The following ACSBG1 variants were observed in gnomAD, a reference collection of about 807,000 sequenced individuals.
The protein encoded by ACSBG1 is long-chain-fatty-acid--CoA ligase ACSBG1.
Under a neutral mutation model 80.2 loss-of-function variants are expected in ACSBG1, and 39 were observed. That is an observed-to-expected ratio of 0.49 (90% CI 0.38 to 0.64). The LOEUF (loss-of-function observed/expected upper bound fraction) is 0.64. ACSBG1 is among the 30% of genes least tolerant of loss of function. The pLI, the probability that ACSBG1 is intolerant of heterozygous loss-of-function variation, is 0.00. For synonymous variants in ACSBG1, 392 were observed against 379.5 expected (o/e 1.03, Z -0.38); for missense variants, 828 against 966.4 (o/e 0.86, Z 1.90).
chr15:78,182,235 T>G (rs922246736), intron 7 of ACSBG1, 90 bp from the exon 8 acceptor site: 1 of 1,489,584 alleles, frequency 6.7e-7, no homozygotes, highest in African/African-American at 1.4e-5. Flanking sequence ...CCAGCCCCAG[T>G]GTGGTGCCCC....
Position 78,182,615 on chromosome 15 carries a change from T to C in ACSBG1, c.745A>G (p.Met249Val). Residue 249 changes from methionine to valine, a missense_variant and splice_region_variant, in exon 7 of 14, where the codon ATG becomes GTG. Met to Val is a conservative substitution (Grantham distance 21). Around this residue, in one of 3 missense-constraint regions of ACSBG1, gnomAD observed 356 missense variants for 363.5 expected, o/e 0.98. Transcript: ENST00000258873. ...TTCCCCAGCTCCATGAATTCCTCCA[T>C]CTGTAGCCAGATGCAGGGAGCAGGC... is the stretch of plus-strand genomic sequence containing the variant. ...PPNKMANVYT[M>V]EEFMELGNEV... 1 of 1,613,998 alleles carries C rather than the reference T, an allele frequency of 6.2e-7. No homozygotes were observed. Among genetic ancestry groups the C allele is most frequent in the Non-Finnish European group, 8.5e-7 (1 of 1,179,928 alleles).
At chr15:78,198,330 C>T (rs1567088781) in intron 2 of ACSBG1, among the ~76,000 whole-genome samples, 1 of 151,214 alleles carries the variant, frequency 6.6e-6, no homozygotes, top group Non-Finnish European at 1.5e-5. Context: ...CGTGAGCCAC[C>T]GTGCCCAGCC....
chr15:78,196,598 A>C (rs901096952), intron 2 of ACSBG1, among the ~76,000 whole-genome samples: 2 of 151,832 alleles, frequency 1.3e-5, no homozygotes, highest in South Asian at 4.1e-4. Context: ...CGACCCAACA[A>C]CTCCACTCTT....
intron 1 of ACSBG1, among the ~76,000 whole-genome samples, chr15:78,232,772 C>T (rs2141397643): frequency 6.6e-6 from 1 of 152,010 alleles, no homozygotes; most frequent in East Asian, 1.9e-4. Context: ...GCAATTTCCA[C>T]CTCCCGGGTT....
At chr15:78,191,723 G>A (rs2075058467) in intron 5 of ACSBG1, among the ~76,000 whole-genome samples, 2 of 152,348 alleles carry the variant, frequency 1.3e-5, no homozygotes, top group South Asian at 4.1e-4. Context: ...AAGAAGAGAA[G>A]GTGGTCATGA....
At position 78,170,493 on chromosome 15, in the gene ACSBG1, C is replaced by A. The variant is rs969118164; in HGVS notation, c.*951G>T. On this transcript the variant is annotated 3_prime_UTR_variant, in exon 14 of 14. Transcript: ENST00000258873. ...CTTCCTCTGTTTCATTGGATTGTGC[C>A]AGTTATCAGTGGCTCTTGGGTTCAA... The A allele has an allele frequency of 6.6e-6, 1 of 151,936 alleles. No individual in the cohort carries two copies. Among genetic ancestry groups the A allele is most frequent in the Non-Finnish European group, 1.5e-5 (1 of 68,000 alleles). 9.4% of individuals were successfully genotyped at this position (151,936 alleles called of 1,614,324 possible). A position where few individuals can be genotyped will look rare whatever the true frequency, so the allele number is the denominator to read the frequency against.
intron 1 of ACSBG1, among the ~76,000 whole-genome samples, chr15:78,224,239 G>A (rs2075382209): frequency 7.3e-6 from 1 of 136,430 alleles, no homozygotes; most frequent in Admixed American, 7.2e-5. Context: ...CTGACATCTG[G>A]ACTGAAACAT....
chr15:78,183,502 G>A (rs750925426), intron 5 of ACSBG1, among the ~76,000 whole-genome samples: 5 of 152,102 alleles, frequency 3.3e-5, no homozygotes, highest in South Asian at 4.1e-4. Context: ...GCTTGAGCCC[G>A]GGAGGCAGAG....
At position 78,179,675 on chromosome 15, in the gene ACSBG1, G is replaced by T. The variant is rs537559126; in HGVS notation, c.1359C>A (p.Ala453=). 3.6e-5 allele frequency: 58 copies of T among 1,614,190 alleles called. 1 individual carries two copies. The South Asian group carries it at 5.7e-4, about 16-fold the overall frequency. The change falls in exon 10 of 14, where the codon GCC becomes GCA. Residue 453 remains alanine, a synonymous_variant. Coordinates refer to ENST00000258873, the MANE Select transcript of ACSBG1 (RefSeq NM_015162.5). ...AKCQKNFYGA[A]PMMAETQHFF... ...AGTGCTGTGTCTCTGCCATCATGGGGGCCGCTCCATAGAAGTTCTTTTGAC... is the reference window on the plus strand; with the variant it reads ...AGTGCTGTGTCTCTGCCATCATGGGTGCCGCTCCATAGAAGTTCTTTTGAC...
chr15:78,179,584 A>G lies in ACSBG1; in HGVS notation c.1450T>C (p.Phe484Leu). 10 of 1,614,058 alleles carry G rather than the reference A, an allele frequency of 6.2e-6. No homozygotes were observed. The highest frequency in any genetic ancestry group is 8.5e-6 in the Non-Finnish European group (10 of 1,179,948). The change falls in exon 10 of 14, where the codon TTC becomes CTC. Residue 484 changes from phenylalanine (F) to leucine (L), a missense_variant. By Grantham distance (22) the Phe-to-Leu change is conservative (BLOSUM62 0). Transcript: ENST00000258873. The part of the protein sequence containing the change: ...YGLSETSGPH[F>L]MSSPYNYRLY... ...CGGTAGTTGTAGGGACTGGACATGA[A>G]GTGGGGGCCTGAGGTCTCACTGAGG...
At chr15:78,206,811 A>G (rs533947410) in intron 2 of ACSBG1, among the ~76,000 whole-genome samples, 48 of 152,336 alleles carry the variant, frequency 3.2e-4, no homozygotes, top group African/African-American at 9.9e-4. Context: ...GCTGGGGATT[A>G]TGTGTTTCTC....
At chr15:78,201,771 T>A (rs2075170667) in intron 2 of ACSBG1, among the ~76,000 whole-genome samples, 1 of 152,214 alleles carries the variant, frequency 6.6e-6, no homozygotes, top group Admixed American at 6.5e-5. Context: ...GGGTTTTAGC[T>A]ACTGGCAAGG....
intron 3 of ACSBG1, 87 bp downstream of exon 3, chr15:78,194,419 G>T: frequency 8.0e-7 from 1 of 1,249,112 alleles, no homozygotes; most frequent in Non-Finnish European, 1.1e-6. Flanking sequence ...CTTGCCCAGT[G>T]GGCAGTTGGA....
rs928061995 is a variant in ACSBG1, at chr15:78,168,727, A to G, written c.*2717T>C. The G allele has an allele frequency of 7.6e-6, 4 of 523,708 alleles. No individual in the cohort carries two copies. The highest frequency in any genetic ancestry group is 5.6e-5 in the African/African-American group (3 of 53,098). 32.4% of individuals were successfully genotyped at this position (523,708 alleles called of 1,614,324 possible). A position where few individuals can be genotyped will look rare whatever the true frequency, so the allele number is the denominator to read the frequency against. ...TTCTTTGCAGAGTGCTGTTGTATAC[A>G]CTATGAGATTGGATCCCGATCCTCC... On this transcript the variant is annotated 3_prime_UTR_variant, in exon 14 of 14. Transcript: ENST00000258873.
intron 2 of ACSBG1, among the ~76,000 whole-genome samples, chr15:78,195,480 C>T (rs532049946): frequency 6.6e-6 from 1 of 152,138 alleles, no homozygotes; most frequent in Non-Finnish European, 1.5e-5. Context: ...GAGTCAGAGG[C>T]TTACTCTGTG....
chr15:78,181,493 T>C (rs965865679), intron 8 of ACSBG1, among the ~76,000 whole-genome samples: 8 of 140,618 alleles, frequency 5.7e-5, no homozygotes, highest in Admixed American at 2.8e-4. Flanking sequence ...AGGTTTCTTT[T>C]TTTTTTTTTT....
In ACSBG1 at chr15:78,169,135, C is replaced by A; in HGVS notation, c.*2309G>T. 1.9e-6 allele frequency: 1 copy of A among 530,452 alleles called. No individual in the cohort carries two copies. Among genetic ancestry groups the A allele is most frequent in the Non-Finnish European group, 3.3e-6 (1 of 305,256 alleles). 32.9% of individuals were successfully genotyped at this position (530,452 alleles called of 1,614,324 possible). A position where few individuals can be genotyped will look rare whatever the true frequency, so the allele number is the denominator to read the frequency against. ...AGTACATTTTTAGATCTGGCCTTTT[C>A]TTAACAAAATCTGTGCAAAAGATGC... On this transcript the variant is annotated 3_prime_UTR_variant, in exon 14 of 14. Transcript: ENST00000258873.
At chr15:78,215,792 G>C (rs1432569422) in intron 1 of ACSBG1, among the ~76,000 whole-genome samples, 1 of 151,060 alleles carries the variant, frequency 6.6e-6, no homozygotes, top group Non-Finnish European at 1.5e-5. Context: ...GAAAGAGAAA[G>C]AAAGAGAGAA....
Position 78,178,337 on chromosome 15 carries a change from C to G in ACSBG1, c.1702+277G>C, listed in dbSNP as rs1595880232. Among the ~76,000 whole-genome samples, 1 of 152,164 alleles carries G rather than the reference C, an allele frequency of 6.6e-6. No homozygotes were observed. Among genetic ancestry groups the G allele is most frequent in the Non-Finnish European group, 1.5e-5 (1 of 68,026 alleles). ...TTTTGGAGACAGAGTCTAGCTCTGTCTCCCAGGCTGGTGTGCAAAGAGGCA... is the reference window on the plus strand; with the variant it reads ...TTTTGGAGACAGAGTCTAGCTCTGTGTCCCAGGCTGGTGTGCAAAGAGGCA... On this transcript the variant is annotated intron_variant, in intron 11 of 13. Transcript: ENST00000258873. This position sits in a 1 kb window ranked among gnomAD's most constrained non-coding sequence, Gnocchi z 4.3.
Sources: allele counts gnomAD v4.1 joint callset (sites outside exome capture counted in the v4.1 genomes callset), GRCh38; gene constraint gnomAD v4.1.1; regional missense constraint gnomAD v4.1.1; non-coding constraint Gnocchi (gnomAD v3.1); transcripts MANE v1.5; gene names NCBI Gene and HGNC (gene_info 2026-07-23, HGNC 2026-07-21).